Variants in ASB8 observed in about 807,000 individuals in gnomAD.
ASB8 encodes ankyrin repeat and SOCS box protein 8.
ASB8 carries 15 observed loss-of-function variants against 22.9 expected under a neutral mutation model. That is an observed-to-expected ratio of 0.66 (90% confidence interval 0.44 to 1.01). The LOEUF (loss-of-function observed/expected upper bound fraction) is 1.01, where lower values mean the gene tolerates loss of function less well. Ranked by LOEUF, ASB8 falls within the 50% of genes least tolerant of loss-of-function variation. The pLI is 0.00. For missense variants in ASB8, 294 were observed against 356.9 expected (o/e 0.82, Z 1.42); for synonymous variants, 124 against 140.8 (o/e 0.88, Z 0.84).
intron 1 of ASB8, among the ~76,000 whole-genome samples, chr12:48,155,566 A>G (rs1234215132): frequency 6.6e-6 from 1 of 151,524 alleles, no homozygotes. Flanking sequence ...TACTGAAAAT[A>G]CAAAAAAATT....
chr12:48,152,728 C>T (rs1400707156), intron 2 of ASB8: 1 of 145,332 alleles, frequency 6.9e-6, no homozygotes, highest in Admixed American at 6.7e-5. Flanking sequence ...GGCACAGTGG[C>T]TTACACCTCT....
At chr12:48,155,550 C>T (rs989068872) in intron 1 of ASB8, among the ~76,000 whole-genome samples, 1 of 151,602 alleles carries the variant, frequency 6.6e-6, no homozygotes, top group Non-Finnish European at 1.5e-5. Flanking sequence ...GGTGAAACCC[C>T]GTCTCTACTG....
At chr12:48,150,071 C>T in intron 3 of ASB8, 73 bp from the exon 4 acceptor site, 1 of 1,506,078 alleles carries the variant, frequency 6.6e-7, no homozygotes, top group Non-Finnish European at 9.2e-7. Flanking sequence ...AAGAAGCTTG[C>T]ATGGTTACCC....
rs757774377 is a variant in ASB8 at position 48,149,573 on chromosome 12, C to T, written c.660G>A (p.Leu220=). Residue 220 remains leucine (L), a synonymous_variant, in exon 4 of 4, where the codon TTG becomes TTA. Transcript: ENST00000317697. ...LLHRAVGHFE[L]RKNGTMPREV... ...CTCGTGGCATGGTGCCATTTTTCCTCAATTCAAAGTGTCCAACAGCTCTGT... is the reference window on the plus strand; with the variant it reads ...CTCGTGGCATGGTGCCATTTTTCCTTAATTCAAAGTGTCCAACAGCTCTGT... 50 of 1,614,018 alleles carry T rather than the reference C, an allele frequency of 3.1e-5. No individual in the cohort carries two copies. The highest frequency in any genetic ancestry group is 3.7e-5 in the Non-Finnish European group (44 of 1,180,016).
At chr12:48,155,459 C>T (rs1055669492) in intron 1 of ASB8, among the ~76,000 whole-genome samples, 2 of 152,052 alleles carry the variant, frequency 1.3e-5, no homozygotes, top group African/African-American at 2.4e-5. Flanking sequence ...CGATGGCTCA[C>T]GCCTGTAATC....
intron 2 of ASB8, among the ~76,000 whole-genome samples, chr12:48,152,322 T>G (rs576198608): frequency 1.0e-3 from 158 of 152,306 alleles, no homozygotes; most frequent in African/African-American, 3.4e-3. Context: ...TCTTCAGTTG[T>G]GTCCAATAAC....
chr12:48,154,563 T>A (rs1349118512), intron 1 of ASB8, among the ~76,000 whole-genome samples: 1 of 147,290 alleles, frequency 6.8e-6, no homozygotes, highest in African/African-American at 2.5e-5. Context: ...TACCCTGGAG[T>A]CATTTATATA....
rs1318136162 is a variant in ASB8 at position 48,148,305 on chromosome 12, T to C, written c.*1061A>G. The C allele has an allele frequency of 6.6e-6, 1 of 152,230 alleles. No individual in the cohort carries two copies. Among genetic ancestry groups the C allele is most frequent in the Non-Finnish European group, 1.5e-5 (1 of 68,052 alleles). 9.4% of individuals were successfully genotyped at this position (152,230 alleles called of 1,614,324 possible). On this transcript the variant is annotated 3_prime_UTR_variant, in exon 4 of 4. Transcript: ENST00000317697. ...GGGAATCCCATTAGAACACACTGTT[T>C]CTCAGGAAGAGAAAAAGCTGCATTA...
At chr12:48,156,587 C>T (rs189776377) in intron 1 of ASB8, among the ~76,000 whole-genome samples, 17 of 152,080 alleles carry the variant, frequency 1.1e-4, no homozygotes, top group African/African-American at 4.1e-4. Flanking sequence ...GCGAGACGAC[C>T]CCAAAACCCA....
Position 48,151,298 on chromosome 12 carries a change from TC to T in ASB8, c.136del (p.Asp46MetfsTer2). On this transcript the variant is annotated frameshift_variant, in exon 3 of 4. Coordinates refer to ENST00000317697, the MANE Select transcript of ASB8 (RefSeq NM_024095.5). LOFTEE classifies it high-confidence loss of function. ...CAGTGTGCCATGAGTGCAGTTCACA[TC>T]TGCTCCCTGTGGGCAGAAGACAACT... ...NVEDLIRGGA[D>X]VNCTHGTLKP... 3 of 1,612,380 alleles carry T rather than the reference TC, an allele frequency of 1.9e-6. No individual in the cohort carries two copies. The highest frequency in any genetic ancestry group is 2.5e-6 in the Non-Finnish European group (3 of 1,178,932).
chr12:48,154,200 G>T (rs1179598033), intron 1 of ASB8, among the ~76,000 whole-genome samples: 1 of 152,114 alleles, frequency 6.6e-6, no homozygotes, highest in Non-Finnish European at 1.5e-5. Context: ...GAAATATTTG[G>T]CAGGGCGTGG....
At chr12:48,150,882 A>G in intron 3 of ASB8, 1 of 487,534 alleles carries the variant, frequency 2.1e-6, no homozygotes, top group East Asian at 3.3e-5. Flanking sequence ...CGGAAATATA[A>G]ACAGCCCCTA....
Position 48,151,070 on chromosome 12 carries a change from C to T in ASB8, c.234+131G>A. ...TACATTTTCCTTAATATTGGCTATGCCAACATTACCTTGAGTTAGAAGTTC... is the reference window on the plus strand; with the variant it reads ...TACATTTTCCTTAATATTGGCTATGTCAACATTACCTTGAGTTAGAAGTTC... On this transcript the variant is annotated intron_variant, in intron 3 of 3. Transcript: ENST00000317697. 3 of 695,208 alleles carry T rather than the reference C, an allele frequency of 4.3e-6. No homozygotes were observed. In the South Asian group the frequency reaches 5.2e-5, roughly 12 times the overall value. The allele number at this position is 695,208 out of a possible 1,614,324, so 43.1% of individuals were successfully genotyped here. A position where few individuals can be genotyped will look rare whatever the true frequency, so the allele number is the denominator to read the frequency against.
rs534232141 is a variant in ASB8, at chr12:48,155,444, G to A, written c.-33-1915C>T. On this transcript the variant is annotated intron_variant, in intron 1 of 3. Coordinates refer to ENST00000317697, the MANE Select transcript of ASB8 (RefSeq NM_024095.5). ...TTTAATAATATATAATGTTTTGGCG[G>A]GGCGCGATGGCTCACGCCTGTAATC... Among the ~76,000 whole-genome samples the A allele has an allele frequency of 1.6e-4, 25 of 152,168 alleles. No individual in the cohort carries two copies. The South Asian group carries it at 5.2e-3, about 32-fold the overall frequency.
rs34031535 is a variant in ASB8 at position 48,148,658 on chromosome 12, G to GTTTTTTTTTTTTTTTTTTTTTTTTT, written c.*707_*708insAAAAAAAAAAAAAAAAAAAAAAAAA. The stretch of plus-strand genomic sequence containing the variant: ...GTTTTTTCACAGATCAATTAAAATG[G>GTTTTTTTTTTTTTTTTTTTTTTTTT]TTTTTTTTTTTTTTTTTTTTTTTTG... On this transcript the variant is annotated 3_prime_UTR_variant, in exon 4 of 4. Transcript: ENST00000317697. 3.2e-5 allele frequency: 2 copies of GTTTTTTTTTTTTTTTTTTTTTTTTT among 62,758 alleles called. No individual in the cohort carries two copies. The highest frequency in any genetic ancestry group is 5.8e-5 in the Non-Finnish European group (2 of 34,520). The allele number at this position is 62,758 out of a possible 1,614,324, so 3.9% of individuals were successfully genotyped here.
rs1186083933 is a variant in ASB8, at chr12:48,148,674, T to TG, written c.*691_*692insC. The TG allele has an allele frequency of 2.0e-5, 3 of 147,832 alleles. No individual in the cohort carries two copies. The highest frequency in any genetic ancestry group is 7.5e-5 in the African/African-American group (3 of 39,978). The allele number at this position is 147,832 out of a possible 1,614,324, so 9.2% of individuals were successfully genotyped here. ...ATTAAAATGGTTTTTTTTTTTTTTT[T>TG]TTTTTTTTGAGACAGTTTTGCTCTT... On this transcript the variant is annotated 3_prime_UTR_variant, in exon 4 of 4. Transcript: ENST00000317697.
At position 48,149,307 on chromosome 12, in the gene ASB8, T is replaced by C. The variant is rs1235968750; in HGVS notation, c.*59A>G. On this transcript the variant is annotated 3_prime_UTR_variant, in exon 4 of 4. Transcript: ENST00000317697. ...TTTTTCTGTTTTCTGTGACAAGGAG[T>C]ACTGCAGGGACAACCTCACCCAGAG... 6.7e-7 allele frequency: 1 copy of C among 1,503,704 alleles called. No homozygotes were observed. Among genetic ancestry groups the C allele is most frequent in the Non-Finnish European group, 9.1e-7 (1 of 1,102,578 alleles). 93.1% of individuals were successfully genotyped at this position (1,503,704 alleles called of 1,614,324 possible).
chr12:48,157,478 G>A lies in ASB8; in HGVS notation c.-53C>T, dbSNP rs1951326348. On this transcript the variant is annotated 5_prime_UTR_variant, in exon 1 of 4. Coordinates refer to ENST00000317697, the MANE Select transcript of ASB8 (RefSeq NM_024095.5). ...ACTCACCGAATTGCTGGGCTGAGGTGGGGGTTGAAAGCCGCTGTCAAGGCG... is the reference window on the plus strand; with the variant it reads ...ACTCACCGAATTGCTGGGCTGAGGTAGGGGTTGAAAGCCGCTGTCAAGGCG... 1 of 152,256 alleles carries A rather than the reference G, an allele frequency of 6.6e-6. No individual in the cohort carries two copies. Among genetic ancestry groups the A allele is most frequent in the Admixed American group, 6.5e-5 (1 of 15,284 alleles). The allele number at this position is 152,256 out of a possible 1,614,324, so 9.4% of individuals were successfully genotyped here.
At position 48,149,132 on chromosome 12, in the gene ASB8, A is replaced by T. The variant is rs920750040; in HGVS notation, c.*234T>A. 1.8e-6 allele frequency: 1 copy of T among 556,122 alleles called. No homozygotes were observed. The highest frequency in any genetic ancestry group is 1.9e-5 in the African/African-American group (1 of 53,126). 34.4% of individuals were successfully genotyped at this position (556,122 alleles called of 1,614,324 possible). A position where few individuals can be genotyped will look rare whatever the true frequency, so the allele number is the denominator to read the frequency against. ...GGAGACCTCTTCTTTTGCAAAATGC[A>T]ATATAAAAAGCCAGGTAAGCAATAA... On this transcript the variant is annotated 3_prime_UTR_variant, in exon 4 of 4. Coordinates refer to ENST00000317697, the MANE Select transcript of ASB8 (RefSeq NM_024095.5).
Sources: allele counts gnomAD v4.1 joint callset (sites outside exome capture counted in the v4.1 genomes callset), GRCh38; gene constraint gnomAD v4.1.1; transcripts MANE v1.5; gene names NCBI Gene and HGNC (gene_info 2026-07-23, HGNC 2026-07-21).